ELAVL3: variants seen among roughly 807,000 people sequenced by gnomAD.
ELAVL3 encodes the protein ELAV like RNA binding protein 3.
ELAVL3 carries 8 observed loss-of-function variants against 34.2 expected under a neutral mutation model. That is an observed-to-expected ratio of 0.23 (90% CI 0.14 to 0.42). The LOEUF (loss-of-function observed/expected upper bound fraction) is 0.42, where lower values mean the gene tolerates loss of function less well. Ranked by LOEUF, ELAVL3 falls within the 10% of genes least tolerant of loss-of-function variation. The pLI is 1.00. For synonymous variants in ELAVL3, 209 were observed against 222.1 expected (o/e 0.94, Z 0.53); for missense variants, 273 against 518.8 (o/e 0.53, Z 4.60).
chr19:11,479,576 C>T (rs1350980903), intron 1 of ELAVL3, among the ~76,000 whole-genome samples: 1 of 151,738 alleles, frequency 6.6e-6, no homozygotes, highest in East Asian at 2.0e-4. Flanking sequence ...ACTGGCCAGC[C>T]CCGCCCCCGG....
Position 11,454,509 on chromosome 19 carries a change from G to A in ELAVL3, c.*17C>T, listed in dbSNP as rs764834247. Reference sequence around the variant, plus strand: ...TCTGCTGCCCGGGGAGGGGGTGGGAGGGCAGGCGGGGTGGGCTCACGCCTT... The same window carrying A: ...TCTGCTGCCCGGGGAGGGGGTGGGAAGGCAGGCGGGGTGGGCTCACGCCTT... On this transcript the variant is annotated 3_prime_UTR_variant, in exon 7 of 7. Transcript: ENST00000359227. The surrounding 1 kb of genome is among the most constrained non-coding windows in gnomAD (Gnocchi z 9.2). The A allele has an allele frequency of 1.9e-6, 3 of 1,564,140 alleles. No individual in the cohort carries two copies. Among genetic ancestry groups the A allele is most frequent in the African/African-American group, 2.7e-5 (2 of 74,088 alleles).
Position 11,455,011 on chromosome 19 carries a change from T to C in ELAVL3, c.753-134A>G, listed in dbSNP as rs1722827853. The C allele has an allele frequency of 5.4e-5, 55 of 1,027,800 alleles. 3 individuals carry two copies. In the South Asian group the frequency reaches 8.4e-4, roughly 16 times the overall value. The allele number at this position is 1,027,800 out of a possible 1,614,324, so 63.7% of individuals were successfully genotyped here. A position where few individuals can be genotyped will look rare whatever the true frequency, so the allele number is the denominator to read the frequency against. On this transcript the variant is annotated intron_variant, in intron 6 of 6. Transcript: ENST00000359227. ...TGTGACCCCTGCAATGCAATTTTTT[T>C]TTTTAGAGACACGGTCTCGCTCTGT... is the stretch of plus-strand genomic sequence containing the variant.
At chr19:11,461,009 C>CAAAAAAAAA in intron 3 of ELAVL3, among the ~76,000 whole-genome samples, 1 of 89,798 alleles carries the variant, frequency 1.1e-5, no homozygotes, top group Non-Finnish European at 2.8e-5. Context: ...ACAACCTCTA[C>CAAAAAAAAA]AAAAAAAAAA....
intron 1 of ELAVL3, among the ~76,000 whole-genome samples, chr19:11,467,370 C>T (rs561626972): frequency 2.3e-4 from 35 of 151,790 alleles, no homozygotes; most frequent in Admixed American, 2.0e-4. Context: ...TGTGGTGAGC[C>T]GAGATTGCGC....
intron 1 of ELAVL3, among the ~76,000 whole-genome samples, chr19:11,470,039 C>T (rs556437645): frequency 6.0e-5 from 9 of 151,194 alleles, no homozygotes; most frequent in East Asian, 5.9e-4. Flanking sequence ...CCTGGGCGAC[C>T]GAGTGAGACC....
chr19:11,453,136 G>A lies in ELAVL3; in HGVS notation c.*1390C>T, dbSNP rs553375976. On this transcript the variant is annotated 3_prime_UTR_variant, in exon 7 of 7. Transcript: ENST00000359227. The stretch of plus-strand genomic sequence containing the variant: ...CCTCAGCTGTGTGGGCCAAGGCCTC[G>A]GCCCAGGGGGAGGCTGAGCCCCGGG... 1.3e-4 allele frequency: 19 copies of A among 151,918 alleles called. No individual in the cohort carries two copies. Among genetic ancestry groups the A allele is most frequent in the African/African-American group, 4.4e-4 (18 of 41,376 alleles). 9.4% of individuals were successfully genotyped at this position (151,918 alleles called of 1,614,324 possible). A position where few individuals can be genotyped will look rare whatever the true frequency, so the allele number is the denominator to read the frequency against.
At position 11,466,214 on chromosome 19, in the gene ELAVL3, G is replaced by A. The variant is rs1270357369; in HGVS notation, c.291C>T (p.Ile97=). 1 of 1,613,746 alleles carries A rather than the reference G, an allele frequency of 6.2e-7. No individual in the cohort carries two copies. Among genetic ancestry groups the A allele is most frequent in the Non-Finnish European group, 8.5e-7 (1 of 1,179,896 alleles). The change falls in exon 3 of 7, where the codon ATC becomes ATT. Residue 97 remains isoleucine (I), a synonymous_variant. Transcript: ENST00000359227. This position sits in a 1 kb window ranked among gnomAD's most constrained non-coding sequence, Gnocchi z 5.0. ...YSDPNDADKA[I]NTLNGLKLQT... ...GTAATTTGAGGCCGTTGAGGGTGTT[G>A]ATGGCTTTGTCTGCATCATTGGGGT... is the stretch of plus-strand genomic sequence containing the variant.
chr19:11,472,467 G>A (rs964642042), intron 1 of ELAVL3, among the ~76,000 whole-genome samples: 3 of 152,166 alleles, frequency 2.0e-5, no homozygotes, highest in Middle Eastern at 3.2e-3. Context: ...TTGGGAGGCC[G>A]AGGTGGGAGG....
chr19:11,464,719 CACACAT>C (rs1970981055), intron 3 of ELAVL3, among the ~76,000 whole-genome samples: 1 of 60,750 alleles, frequency 1.6e-5, no homozygotes, highest in Non-Finnish European at 3.4e-5. Flanking sequence ...ACCACACACA[CACACAT>C]CACACACACA....
At chr19:11,457,262 C>A in intron 5 of ELAVL3, 114 bp from the exon 6 acceptor site, 1 of 1,163,386 alleles carries the variant, frequency 8.6e-7, no homozygotes, top group Non-Finnish European at 1.2e-6. Flanking sequence ...GAGCCCTGCC[C>A]CCGCCTGCCT....
At chr19:11,464,665 T>TAC (rs1164775565) in intron 3 of ELAVL3, among the ~76,000 whole-genome samples, 3,796 of 47,642 alleles carry the variant, frequency 0.08, 146 homozygotes, top group African/African-American at 0.2. Context: ...GACACACACA[T>TAC]ACACACATCA....
chr19:11,460,922 C>G (rs540830590), intron 3 of ELAVL3, among the ~76,000 whole-genome samples: 1 of 150,052 alleles, frequency 6.7e-6, no homozygotes, highest in South Asian at 2.1e-4. Context: ...AAGTTCAAGG[C>G]AGGAGGATCA....
intron 6 of ELAVL3, among the ~76,000 whole-genome samples, chr19:11,456,144 C>T (rs1427686075): frequency 1.3e-5 from 2 of 151,842 alleles, no homozygotes; most frequent in Middle Eastern, 3.4e-3. Context: ...CTCACTCTGT[C>T]GCCCAGGCTG....
In ELAVL3 at chr19:11,458,604, T is replaced by C; in HGVS notation, c.341A>G (p.Tyr114Cys). The C allele has an allele frequency of 6.2e-7, 1 of 1,613,738 alleles. No individual in the cohort carries two copies. Among genetic ancestry groups the C allele is most frequent in the Non-Finnish European group, 8.5e-7 (1 of 1,180,000 alleles). Reference sequence around the variant, plus strand: ...GATGGATGCTGAACTGGGTCTGGCATAGGACACCTGGGTGAGGGGGTCAGA... The same window carrying C: ...GATGGATGCTGAACTGGGTCTGGCACAGGACACCTGGGTGAGGGGGTCAGA... Reference protein sequence around the residue: ...KLQTKTIKVSYARPSSASIRD... With the variant: ...KLQTKTIKVSCARPSSASIRD... The change falls in exon 4 of 7, where the codon TAT (tyrosine) becomes TGT (cysteine). Residue 114 changes from tyrosine to cysteine, a missense_variant. This residue lies in a region of ELAVL3 where 102 missense variants were observed against 250.1 expected (regional missense o/e 0.41). Transcript: ENST00000359227. The surrounding 1 kb of genome is among the most constrained non-coding windows in gnomAD (Gnocchi z 7.3).
intron 1 of ELAVL3, among the ~76,000 whole-genome samples, chr19:11,477,207 G>A (rs1971278897): frequency 6.6e-6 from 1 of 152,170 alleles, no homozygotes; most frequent in Non-Finnish European, 1.5e-5. Flanking sequence ...CTTCCTTAAG[G>A]AAGGTATGGC....
In ELAVL3 at chr19:11,452,597, T is replaced by C. The variant is rs1970674784; in HGVS notation, c.*1929A>G. 1 of 151,756 alleles carries C rather than the reference T, an allele frequency of 6.6e-6. No homozygotes were observed. Among genetic ancestry groups the C allele is most frequent in the Admixed American group, 6.6e-5 (1 of 15,212 alleles). 9.4% of individuals were successfully genotyped at this position (151,756 alleles called of 1,614,324 possible). A position where few individuals can be genotyped will look rare whatever the true frequency, so the allele number is the denominator to read the frequency against. ...TTTGATTTTTTTCTTTTTTGTTCCTTGCAGCAGAAGCTCCACAGACGTTTA... is the reference window on the plus strand; with the variant it reads ...TTTGATTTTTTTCTTTTTTGTTCCTCGCAGCAGAAGCTCCACAGACGTTTA... On this transcript the variant is annotated 3_prime_UTR_variant, in exon 7 of 7. Coordinates refer to ENST00000359227, the MANE Select transcript of ELAVL3 (RefSeq NM_001420.4).
intron 3 of ELAVL3, among the ~76,000 whole-genome samples, chr19:11,464,906 AAC>A (rs1157332689): frequency 1.0e-3 from 62 of 61,714 alleles, no homozygotes; most frequent in African/African-American, 3.4e-3. Context: ...ACACACCACA[AAC>A]ACACACCACA....
intron 3 of ELAVL3, among the ~76,000 whole-genome samples, chr19:11,459,183 C>T (rs1252704695): frequency 1.4e-5 from 2 of 146,874 alleles, no homozygotes; most frequent in African/African-American, 2.5e-5. Context: ...AGTGCAATGG[C>T]GACATCTCGG....
intron 5 of ELAVL3, 125 bp from the exon 6 acceptor site, chr19:11,457,273 G>A (rs1970788782): frequency 2.9e-6 from 3 of 1,045,048 alleles, no homozygotes; most frequent in Non-Finnish European, 2.6e-6. Flanking sequence ...CCGCCTGCCT[G>A]CTCCCCGCCC....
Sources: gnomAD v4.1 joint callset for allele counts (sites outside exome capture counted in the v4.1 genomes callset) on GRCh38, gnomAD v4.1.1 for gene constraint, gnomAD v4.1.1 regional missense constraint, Gnocchi (gnomAD v3.1) non-coding constraint, MANE v1.5 for transcripts, NCBI Gene and HGNC (gene_info 2026-07-23, HGNC 2026-07-21) for gene names.